PCDHA13: variants seen among roughly 807,000 people sequenced by gnomAD.
PCDHA13 encodes the protein protocadherin alpha-13.
PCDHA13 carries 54 observed loss-of-function variants against 64.8 expected under a neutral mutation model. The observed-to-expected ratio is 0.83, with a 90% CI of 0.67 to 1.04. The LOEUF is 1.04. Ranked by LOEUF, PCDHA13 falls within the 50% of genes least tolerant of loss-of-function variation. The pLI, the probability that PCDHA13 is intolerant of heterozygous loss-of-function variation, is 0.00. For missense variants in PCDHA13, 1,248 were observed against 1,254.3 expected (o/e 0.99, Z 0.08); for synonymous variants, 587 against 564.4 (o/e 1.04, Z -0.57).
intron 1 of PCDHA13, among the ~76,000 whole-genome samples, chr5:140,936,916 A>C (rs782442769): frequency 3.0e-4 from 46 of 152,222 alleles, no homozygotes; most frequent in Non-Finnish European, 6.6e-4. Context: ...ATCTGTAGAA[A>C]ATATGGGGTA....
rs782044159 is a variant in PCDHA13 at position 140,883,367 on chromosome 5, G to T, written c.1099G>T (p.Ala367Ser). Residue 367 changes from alanine to serine, a missense_variant, in exon 1 of 4, where the codon GCC (alanine) becomes TCC (serine). Physicochemically the swap from Ala to Ser is moderately conservative, Grantham distance 99. Transcript: ENST00000289272. ...LPIREDTQPS[A>S]IIALISVSDR... Reference sequence around the variant, plus strand: ...CATCAGAGAAGACACTCAGCCTAGCGCCATTATTGCCCTAATCAGTGTGTC... The same window carrying T: ...CATCAGAGAAGACACTCAGCCTAGCTCCATTATTGCCCTAATCAGTGTGTC... The T allele has an allele frequency of 5.6e-6, 9 of 1,614,006 alleles. No homozygotes were observed. Among genetic ancestry groups the T allele is most frequent in the Non-Finnish European group, 7.6e-6 (9 of 1,180,038 alleles).
chr5:140,987,513 A>C (rs1324114239), intron 3 of PCDHA13, among the ~76,000 whole-genome samples: 3 of 152,168 alleles, frequency 2.0e-5, no homozygotes, highest in Non-Finnish European at 4.4e-5. Flanking sequence ...TCTGCCACTC[A>C]GTAATTGTAT....
chr5:140,964,087 G>T (rs2095809523), intron 1 of PCDHA13, among the ~76,000 whole-genome samples: 1 of 152,078 alleles, frequency 6.6e-6, no homozygotes, highest in African/African-American at 2.4e-5. Context: ...TTGTAGAAAG[G>T]GTAATTAACA....
Position 140,923,994 on chromosome 5 carries a change from C to T in PCDHA13, c.2394+39332C>T, listed in dbSNP as rs147193427. ...ACATACTATCCCTCTAGGTGCAGCT[C>T]AGAATTCCTAAACCTGGTATAATTG... On this transcript the variant is annotated intron_variant, in intron 1 of 3. Transcript: ENST00000289272. Among the ~76,000 whole-genome samples the T allele has an allele frequency of 8.1e-3, 1,228 of 152,292 alleles. 6 individuals are homozygous for T. The highest frequency in any genetic ancestry group is 0.019 in the African/African-American group (795 of 41,560).
chr5:140,948,558 G>A (rs2094272533), intron 1 of PCDHA13, among the ~76,000 whole-genome samples: 2 of 151,514 alleles, frequency 1.3e-5, no homozygotes, highest in Admixed American at 1.3e-4. Flanking sequence ...ATTTTGTTAA[G>A]TTGTATTTTT....
chr5:140,942,197 T>C (rs2093245078), intron 1 of PCDHA13, among the ~76,000 whole-genome samples: 1 of 152,170 alleles, frequency 6.6e-6, no homozygotes, highest in African/African-American at 2.4e-5. Context: ...TAAAATACAT[T>C]TTTGAGCATA....
rs3776115 is a variant in PCDHA13 at position 140,970,956 on chromosome 5, G to A, written c.2395-7993G>A. Among the ~76,000 whole-genome samples, 119 of 152,278 alleles carry A rather than the reference G, an allele frequency of 7.8e-4. 3 individuals carry two copies. In the East Asian group the frequency reaches 0.019, roughly 25 times the overall value. On this transcript the variant is annotated intron_variant, in intron 1 of 3. Coordinates refer to ENST00000289272, the MANE Select transcript of PCDHA13 (RefSeq NM_018904.3). The stretch of plus-strand genomic sequence containing the variant: ...TAGTCAATGCTGAGAAACCATGGGA[G>A]GCAGATTGTAGATTAAGAAAAATGG...
rs1322777523 is a variant in PCDHA13 at position 140,961,683 on chromosome 5, A to G, written c.2395-17266A>G. Among the ~76,000 whole-genome samples, 6 of 152,224 alleles carry G rather than the reference A, an allele frequency of 3.9e-5. No homozygotes were observed. The East Asian group carries it at 1.2e-3, about 29-fold the overall frequency. ...AGTTACCAGTTTTTAATTAAGCCGGAGTAGTCCTTAGTATGAATGCCTTCA... is the reference window on the plus strand; with the variant it reads ...AGTTACCAGTTTTTAATTAAGCCGGGGTAGTCCTTAGTATGAATGCCTTCA... On this transcript the variant is annotated intron_variant, in intron 1 of 3. Transcript: ENST00000289272.
At chr5:141,000,395 CTA>C (rs1190667031) in intron 3 of PCDHA13, among the ~76,000 whole-genome samples, 91 of 53,954 alleles carry the variant, frequency 1.7e-3, no homozygotes, top group Admixed American at 3.8e-3. Flanking sequence ...CTCTCTCTCT[CTA>C]TATATATATA....
intron 1 of PCDHA13, among the ~76,000 whole-genome samples, chr5:140,901,174 G>C (rs782712619): frequency 1.3e-5 from 2 of 152,050 alleles, no homozygotes; most frequent in Non-Finnish European, 2.9e-5. Flanking sequence ...TCTTCACTTT[G>C]TTGATTGTTT....
In PCDHA13 at chr5:140,884,061, A is replaced by G; in HGVS notation, c.1793A>G (p.Asp598Gly). 2 of 1,613,342 alleles carry G rather than the reference A, an allele frequency of 1.2e-6. No individual in the cohort carries two copies. The highest frequency in any genetic ancestry group is 1.7e-6 in the Non-Finnish European group (2 of 1,179,718). Reference protein sequence around the residue: ...GHVVAKVRAVDADSGYNAWLS... With the variant: ...GHVVAKVRAVGADSGYNAWLS... Reference sequence around the variant, plus strand: ...GTGGTGGCGAAGGTGCGCGCGGTGGACGCCGATTCGGGCTACAATGCGTGG... The same window carrying G: ...GTGGTGGCGAAGGTGCGCGCGGTGGGCGCCGATTCGGGCTACAATGCGTGG... The change falls in exon 1 of 4, where the codon GAC (aspartate) becomes GGC (glycine). Residue 598 changes from aspartate to glycine, a missense_variant. Asp to Gly is a moderately conservative substitution (Grantham distance 94). Transcript: ENST00000289272.
intron 1 of PCDHA13, 170 bp from the exon 2 acceptor site, chr5:140,978,779 C>T: frequency 2.1e-6 from 2 of 969,908 alleles, no homozygotes; most frequent in Non-Finnish European, 2.5e-6. Flanking sequence ...TAATTTTCTT[C>T]TAAAGTGCTA....
intron 1 of PCDHA13, among the ~76,000 whole-genome samples, chr5:140,944,182 G>T (rs542395513): frequency 1.3e-5 from 2 of 152,052 alleles, no homozygotes; most frequent in South Asian, 2.1e-4. Flanking sequence ...TTTTTTGTTG[G>T]TTTGTTTTGT....
chr5:140,920,923 G>T (rs1229531762), intron 1 of PCDHA13, among the ~76,000 whole-genome samples: 1 of 151,200 alleles, frequency 6.6e-6, no homozygotes, highest in Non-Finnish European at 1.5e-5. Flanking sequence ...TCCAAGAGTA[G>T]GTGATCTAGC....
chr5:140,938,113 C>CT (rs1337308557), intron 1 of PCDHA13, among the ~76,000 whole-genome samples: 1 of 152,056 alleles, frequency 6.6e-6, no homozygotes, highest in Non-Finnish European at 1.5e-5. Context: ...TACTTTCTCT[C>CT]TTTTTTTAAA....
At chr5:140,982,436 T>G (rs782353079) in intron 2 of PCDHA13, 39 bp from the exon 3 acceptor site, 18 of 1,613,262 alleles carry the variant, frequency 1.1e-5, no homozygotes, top group Non-Finnish European at 1.5e-5. Context: ...GGAAAGAATT[T>G]ATGATCTAAC....
At chr5:140,972,228 C>G (rs1295473743) in intron 1 of PCDHA13, among the ~76,000 whole-genome samples, 1 of 151,964 alleles carries the variant, frequency 6.6e-6, no homozygotes, top group Admixed American at 6.5e-5. Flanking sequence ...CAGCCTCGAC[C>G]TTCTGGGCTC....
intron 3 of PCDHA13, among the ~76,000 whole-genome samples, chr5:140,983,886 T>C (rs1280409622): frequency 1.3e-5 from 2 of 152,206 alleles, no homozygotes; most frequent in Non-Finnish European, 2.9e-5. Flanking sequence ...CTGGCAACTT[T>C]AAGGGCATTC....
chr5:141,009,760 A>G lies in PCDHA13; in HGVS notation c.2676A>G (p.Gly892=), dbSNP rs782167920. The change falls in exon 4 of 4, where the codon GGA becomes GGG. Residue 892 remains glycine, a synonymous_variant. Coordinates refer to ENST00000289272, the MANE Select transcript of PCDHA13 (RefSeq NM_018904.3). ...GELPDKFIIP[G]SPAIISIRQE... ...TGCCCGACAAATTCATTATCCCAGGATCTCCTGCAATCATCTCCATCCGGC... is the reference window on the plus strand; with the variant it reads ...TGCCCGACAAATTCATTATCCCAGGGTCTCCTGCAATCATCTCCATCCGGC... 6.2e-7 allele frequency: 1 copy of G among 1,614,130 alleles called. No homozygotes were observed. Among genetic ancestry groups the G allele is most frequent in the Non-Finnish European group, 8.5e-7 (1 of 1,180,026 alleles).
Sources: gnomAD v4.1 joint callset for allele counts (sites outside exome capture counted in the v4.1 genomes callset) on GRCh38, gnomAD v4.1.1 for gene constraint, MANE v1.5 for transcripts, NCBI Gene and HGNC (gene_info 2026-07-23, HGNC 2026-07-21) for gene names.